Variants in CCDC7 observed in about 807,000 individuals in gnomAD.
The protein encoded by CCDC7 is coiled-coil domain-containing protein 7.
Under a neutral mutation model 196.9 loss-of-function variants are expected in CCDC7, and 183 were observed. The observed-to-expected ratio is 0.93, with a 90% CI of 0.82 to 1.05. The LOEUF is 1.05. Ranked by LOEUF, CCDC7 falls within the 50% of genes least tolerant of loss-of-function variation. The pLI, the probability that CCDC7 is intolerant of heterozygous loss-of-function variation, is 0.00. For synonymous variants in CCDC7, 525 were observed against 484.6 expected, an observed-to-expected ratio of 1.08 and a Z score of -1.10; for missense variants, 1,540 against 1,482.2, an observed-to-expected ratio of 1.04 and a Z score of -0.64.
At chr10:32,469,305 C>G (rs1395379499) in intron 5 of CCDC7, among the ~76,000 whole-genome samples, 1 of 152,168 alleles carries the variant, frequency 6.6e-6, no homozygotes, top group Admixed American at 6.5e-5. Flanking sequence ...CTAATGAATA[C>G]AGGAGTAGAA....
chr10:32,769,682 C>T (rs1304152921), intron 28 of CCDC7, among the ~76,000 whole-genome samples: 1 of 150,802 alleles, frequency 6.6e-6, no homozygotes, highest in African/African-American at 2.4e-5. Flanking sequence ...CTCCCAGTGT[C>T]CATGTTTTCT....
intron 18 of CCDC7, among the ~76,000 whole-genome samples, chr10:32,597,208 A>C (rs996753564): frequency 6.6e-6 from 1 of 152,140 alleles, no homozygotes; most frequent in African/African-American, 2.4e-5. Context: ...TATTTCTTGG[A>C]GGCTTTGTTC....
intron 28 of CCDC7, among the ~76,000 whole-genome samples, chr10:32,758,894 C>T: frequency 6.6e-6 from 1 of 152,166 alleles, no homozygotes; most frequent in South Asian, 2.1e-4. Context: ...GCAACTTCAG[C>T]AAAATCTCAG....
At chr10:32,795,770 T>G (rs1299466026) in intron 29 of CCDC7, among the ~76,000 whole-genome samples, 1 of 152,186 alleles carries the variant, frequency 6.6e-6, no homozygotes, top group Non-Finnish European at 1.5e-5. Context: ...TTTTTGGCAC[T>G]AGGTGGAGCC....
intron 18 of CCDC7, among the ~76,000 whole-genome samples, chr10:32,606,045 C>T (rs936344885): frequency 7.9e-5 from 12 of 152,230 alleles, no homozygotes; most frequent in Admixed American, 3.3e-4. Context: ...GCCAGGCTCA[C>T]GGCCCTGCTG....
upstream of CCDC7, among the ~76,000 whole-genome samples, chr10:32,448,772 A>G (rs1367746264): frequency 6.6e-6 from 1 of 152,096 alleles, no homozygotes; most frequent in Admixed American, 6.5e-5. Context: ...GTTATTAACA[A>G]ATATATAGGC....
intron 11 of CCDC7, among the ~76,000 whole-genome samples, chr10:32,525,492 A>C (rs185558413): frequency 1.2e-4 from 18 of 152,284 alleles, no homozygotes; most frequent in Admixed American, 3.3e-4. Context: ...GAAAACAGCT[A>C]TTTGAGTTCT....
chr10:32,744,457 C>T (rs1019898977), intron 28 of CCDC7, among the ~76,000 whole-genome samples: 1 of 151,010 alleles, frequency 6.6e-6, no homozygotes, highest in Non-Finnish European at 1.5e-5. Context: ...AATGAAGATT[C>T]CTGTTGCTAC....
intron 28 of CCDC7, among the ~76,000 whole-genome samples, chr10:32,758,112 C>T (rs1233891005): frequency 1.3e-5 from 2 of 152,064 alleles, no homozygotes. Context: ...TAATTAATAG[C>T]CTACCAACCA....
chr10:32,622,049 T>G (rs1220337027), intron 18 of CCDC7, among the ~76,000 whole-genome samples: 1 of 152,242 alleles, frequency 6.6e-6, no homozygotes, highest in African/African-American at 2.4e-5. Context: ...AAGTGTTCAC[T>G]CAATTTATCT....
chr10:32,635,311 G>A (rs1226032696), intron 20 of CCDC7, among the ~76,000 whole-genome samples, 153 bp downstream of exon 21: 2 of 151,804 alleles, frequency 1.3e-5, no homozygotes, highest in East Asian at 1.9e-4. Context: ...TGAATTAGAT[G>A]TGTTAATTTT....
At chr10:32,620,722 G>C (rs2063322782) in intron 18 of CCDC7, among the ~76,000 whole-genome samples, 1 of 152,142 alleles carries the variant, frequency 6.6e-6, no homozygotes, top group African/African-American at 2.4e-5. Context: ...AGCAGTGTCT[G>C]ATTAAGGTTT....
chr10:32,567,890 A>G (rs1564682577), exon 15 of CCDC7: 4 of 1,609,878 alleles, frequency 2.5e-6, no homozygotes, highest in Non-Finnish European at 2.5e-6. Context: ...GAATATCCAC[A>G]GGTGAGGAAA....
chr10:32,545,985 C>T (rs966856396), intron 13 of CCDC7, among the ~76,000 whole-genome samples: 1 of 150,018 alleles, frequency 6.7e-6, no homozygotes, highest in African/African-American at 2.5e-5. Context: ...GGCTCTAGTG[C>T]AGAAGAATAG....
At chr10:32,606,879 T>A (rs1362112274) in intron 18 of CCDC7, among the ~76,000 whole-genome samples, 1 of 152,186 alleles carries the variant, frequency 6.6e-6, no homozygotes, top group African/African-American at 2.4e-5. Context: ...TGGGGGCTAT[T>A]GAGAAGAGAT....
chr10:32,506,793 A>C (rs1007997398), intron 9 of CCDC7, among the ~76,000 whole-genome samples: 13 of 144,746 alleles, frequency 9.0e-5, no homozygotes, highest in Admixed American at 2.0e-4. Context: ...GGGAGGTTGC[A>C]GCAAGCCGAG....
At chr10:32,709,830 A>G (rs1409454733) in intron 24 of CCDC7, among the ~76,000 whole-genome samples, 1 of 152,178 alleles carries the variant, frequency 6.6e-6, no homozygotes, top group African/African-American at 2.4e-5. Context: ...AGTGACACTT[A>G]TAACCCTAGA....
intron 21 of CCDC7, among the ~76,000 whole-genome samples, chr10:32,683,957 C>T (rs954846136): frequency 2.6e-5 from 4 of 152,206 alleles, no homozygotes. Flanking sequence ...GAGCTCTATA[C>T]TGTCTCTCTA....
intron 11 of CCDC7, among the ~76,000 whole-genome samples, chr10:32,525,732 G>T (rs2048564926): frequency 6.6e-6 from 1 of 152,196 alleles, no homozygotes; most frequent in African/African-American, 2.4e-5. Flanking sequence ...TGGGCCCCAA[G>T]CCCAATAATG....
Sources: gnomAD v4.1 joint callset for allele counts (sites outside exome capture counted in the v4.1 genomes callset) on GRCh38, gnomAD v4.1.1 for gene constraint, MANE v1.5 for transcripts, NCBI Gene and HGNC (gene_info 2026-07-23, HGNC 2026-07-21) for gene names.